PRKCE: variants seen among roughly 807,000 people sequenced by gnomAD.
The protein encoded by PRKCE is protein kinase C epsilon, also known as protein kinase C epsilon type.
A neutral mutation model predicts 85.4 loss-of-function variants in PRKCE; 16 were observed. The observed-to-expected ratio is 0.19, with a 90% CI of 0.13 to 0.28. The LOEUF is 0.28. Ranked by LOEUF, PRKCE falls within the 10% of genes least tolerant of loss-of-function variation. PRKCE has a pLI of 1.00. For missense variants in PRKCE, 573 were observed against 975.2 expected (o/e 0.59, Z 5.49); for synonymous variants, 388 against 371.5 (o/e 1.04, Z -0.51).
chr2:45,870,842 C>T (rs376464956), intron 2 of PRKCE, among the ~76,000 whole-genome samples: 6 of 152,118 alleles, frequency 3.9e-5, no homozygotes, highest in Admixed American at 1.3e-4. Flanking sequence ...AGGTGAGTAA[C>T]GTACTGGGCA....
intron 10 of PRKCE, among the ~76,000 whole-genome samples, chr2:46,076,922 T>A (rs1404392677): frequency 6.6e-6 from 1 of 152,218 alleles, no homozygotes; most frequent in Non-Finnish European, 1.5e-5. Flanking sequence ...ACTACTCACC[T>A]GATGAATCTA....
At chr2:45,975,651 C>A (rs1173284037) in intron 2 of PRKCE, among the ~76,000 whole-genome samples, 1 of 152,108 alleles carries the variant, frequency 6.6e-6, no homozygotes. Context: ...TAACAATTAT[C>A]TTTATTATTT....
chr2:45,661,539 T>G (rs1675656249), intron 1 of PRKCE, among the ~76,000 whole-genome samples: 1 of 141,682 alleles, frequency 7.1e-6, no homozygotes, highest in African/African-American at 2.6e-5. Context: ...TGTTTTTTTT[T>G]TTTTTTTTAG....
intron 1 of PRKCE, among the ~76,000 whole-genome samples, chr2:45,712,576 A>C (rs910347321): frequency 5.9e-5 from 9 of 152,150 alleles, no homozygotes; most frequent in African/African-American, 2.2e-4. Context: ...AAGGCCCATG[A>C]AGCTCTGGAC....
In PRKCE at chr2:45,667,707, A is replaced by G. The variant is rs59213385; in HGVS notation, c.348+15259A>G. 9.0e-3 allele frequency among the ~76,000 whole-genome samples: 1,366 copies of G among 152,220 alleles called. 18 individuals are homozygous for G. The highest frequency in any genetic ancestry group is 0.03 in the African/African-American group (1,228 of 41,520). On this transcript the variant is annotated intron_variant, in intron 1 of 14. Transcript: ENST00000306156. Reference sequence around the variant, plus strand: ...TTTTTTAGAGCAGTTTTAGGTTTATAAAAAAATAGGGCAGAAAGTACTGAG... The same window carrying G: ...TTTTTTAGAGCAGTTTTAGGTTTATGAAAAAATAGGGCAGAAAGTACTGAG...
At chr2:46,150,889 C>T in intron 12 of PRKCE, 152 bp from the exon 13 acceptor site, 1 of 606,996 alleles carries the variant, frequency 1.6e-6, no homozygotes, top group East Asian at 3.0e-5. Context: ...TCAACTGTCA[C>T]TGAATTTGCT....
At chr2:45,702,609 G>T (rs371144337) in intron 1 of PRKCE, among the ~76,000 whole-genome samples, 87 of 152,258 alleles carry the variant, frequency 5.7e-4, no homozygotes, top group South Asian at 3.9e-3. Flanking sequence ...AACATTTGTT[G>T]AATAACTATT....
intron 2 of PRKCE, among the ~76,000 whole-genome samples, chr2:45,957,963 A>T (rs1701085194): frequency 1.3e-5 from 2 of 149,714 alleles, no homozygotes; most frequent in African/African-American, 2.5e-5. Flanking sequence ...TCATCCCTAA[A>T]CTTGTTAGAA....
In PRKCE at chr2:45,818,486, C is replaced by T. The variant is rs545408988; in HGVS notation, c.349-24514C>T. Among the ~76,000 whole-genome samples the T allele has an allele frequency of 3.9e-4, 60 of 152,282 alleles. 1 individual carries two copies. In the South Asian group the frequency reaches 0.01, roughly 26 times the overall value. The stretch of plus-strand genomic sequence containing the variant: ...CTAACAGATGTTTGCTTAGGAAGGA[C>T]GGGACTTGGGTGGGCAAGTCTCTCA... On this transcript the variant is annotated intron_variant, in intron 1 of 14. Coordinates refer to ENST00000306156, the MANE Select transcript of PRKCE (RefSeq NM_005400.3).
chr2:45,949,888 T>G (rs1181194649), intron 2 of PRKCE, among the ~76,000 whole-genome samples: 2 of 151,460 alleles, frequency 1.3e-5, no homozygotes, highest in African/African-American at 4.8e-5. Flanking sequence ...TCTTTGTTGT[T>G]TTTTTTTTTA....
At chr2:45,939,561 C>CTTT (rs35070039) in intron 2 of PRKCE, among the ~76,000 whole-genome samples, 2 of 148,798 alleles carry the variant, frequency 1.3e-5, no homozygotes, top group Non-Finnish European at 3.0e-5. Context: ...AGTTAATGCA[C>CTTT]TTTTTTTTTT....
At chr2:45,735,172 T>C (rs1681947165) in intron 1 of PRKCE, among the ~76,000 whole-genome samples, 1 of 152,170 alleles carries the variant, frequency 6.6e-6, no homozygotes, top group Admixed American at 6.5e-5. Flanking sequence ...ACACCACATG[T>C]GGTCCATCAC....
At chr2:45,961,513 C>T (rs750726654) in intron 2 of PRKCE, among the ~76,000 whole-genome samples, 11 of 152,136 alleles carry the variant, frequency 7.2e-5, no homozygotes, top group Non-Finnish European at 1.3e-4. Context: ...GGGGGAATGT[C>T]CCATTTCACT....
chr2:45,654,381 T>G (rs1338295420), intron 1 of PRKCE, among the ~76,000 whole-genome samples: 1 of 152,256 alleles, frequency 6.6e-6, no homozygotes, highest in African/African-American at 2.4e-5. Flanking sequence ...CATGTTGGAT[T>G]TGGCCCTAGG....
Position 45,761,232 on chromosome 2 carries a change from C to A in PRKCE, c.349-81768C>A, listed in dbSNP as rs1217212018. Among the ~76,000 whole-genome samples, 5 of 142,326 alleles carry A rather than the reference C, an allele frequency of 3.5e-5. No individual in the cohort carries two copies. The Admixed American group carries it at 3.9e-4, about 11-fold the overall frequency. 93.4% of individuals were successfully genotyped at this position (142,326 alleles called of 152,430 possible). Reference sequence around the variant, plus strand: ...GTCTCAGCTACTCGGGAGGCTGAGGCAGGAGAATGGCGTGAACCCGGGAGG... The same window carrying A: ...GTCTCAGCTACTCGGGAGGCTGAGGAAGGAGAATGGCGTGAACCCGGGAGG... On this transcript the variant is annotated intron_variant, in intron 1 of 14. Coordinates refer to ENST00000306156, the MANE Select transcript of PRKCE (RefSeq NM_005400.3).
At chr2:45,812,076 C>CCT (rs1195098615) in intron 1 of PRKCE, among the ~76,000 whole-genome samples, 1 of 152,188 alleles carries the variant, frequency 6.6e-6, no homozygotes. Flanking sequence ...TGGGTTTTAG[C>CCT]CTCAGCTCAA....
intron 10 of PRKCE, among the ~76,000 whole-genome samples, chr2:46,015,871 AGTGTGTGAGCAG>A (rs1267808576): frequency 2.6e-5 from 4 of 152,152 alleles, no homozygotes; most frequent in Non-Finnish European, 5.9e-5. Flanking sequence ...GGAGTTGGAG[AGTGTGTGAGCAG>A]GTTTGGTGAG....
chr2:45,672,712 A>T (rs1291298018), intron 1 of PRKCE, among the ~76,000 whole-genome samples: 3 of 152,138 alleles, frequency 2.0e-5, no homozygotes, highest in East Asian at 1.9e-4. Flanking sequence ...TGGTCTTTAC[A>T]TGTCAAGAGG....
chr2:46,151,656 G>A (rs1676641457), intron 13 of PRKCE, among the ~76,000 whole-genome samples: 1 of 151,830 alleles, frequency 6.6e-6, no homozygotes, highest in Non-Finnish European at 1.5e-5. Context: ...GAACAGAGAG[G>A]AGGGGAGGGA....
Sources: gnomAD v4.1 joint callset for allele counts (sites outside exome capture counted in the v4.1 genomes callset) on GRCh38, gnomAD v4.1.1 for gene constraint, MANE v1.5 for transcripts, NCBI Gene and HGNC (gene_info 2026-07-23, HGNC 2026-07-21) for gene names.